TCERG1L: variants seen among roughly 807,000 people sequenced by gnomAD.
TCERG1L encodes the protein transcription elongation regulator 1-like protein.
A neutral mutation model predicts 56.3 loss-of-function variants in TCERG1L; 37 were observed. The observed-to-expected ratio is 0.66, with a 90% CI of 0.51 to 0.87. The LOEUF (loss-of-function observed/expected upper bound fraction) is 0.87. TCERG1L is among the 40% of genes least tolerant of loss of function. The pLI, the probability that TCERG1L is intolerant of heterozygous loss-of-function variation, is 0.00. For synonymous variants in TCERG1L, 324 were observed against 326.3 expected (o/e 0.99, Z 0.08); for missense variants, 799 against 774.2 (o/e 1.03, Z -0.38).
At chr10:131,146,285 G>T (rs375216075) in intron 7 of TCERG1L, among the ~76,000 whole-genome samples, 1 of 152,130 alleles carries the variant, frequency 6.6e-6, no homozygotes, top group South Asian at 2.1e-4. Context: ...ATCACCTTAC[G>T]TGATGCAAAA....
At chr10:131,151,330 G>A (rs117479250) in intron 6 of TCERG1L, among the ~76,000 whole-genome samples, 4,360 of 152,224 alleles carry the variant, frequency 0.029, 79 homozygotes, top group Non-Finnish European at 0.041. Context: ...ACAAATGGGC[G>A]TACAGGCATT....
Position 131,112,120 on chromosome 10 carries a change from C to G in TCERG1L, c.1395+4679G>C, listed in dbSNP as rs187554501. Among the ~76,000 whole-genome samples, 5 of 142,998 alleles carry G rather than the reference C, an allele frequency of 3.5e-5. 1 individual carries two copies. Among genetic ancestry groups the G allele is most frequent in the Non-Finnish European group, 6.3e-5 (4 of 63,436 alleles). The allele number at this position is 142,998 out of a possible 152,430, so 93.8% of individuals were successfully genotyped here. ...ACCCCTGAGAGTGGGGGAATGGGCC[C>G]GGCCACACGGCACTCCCAGTGGCCA... On this transcript the variant is annotated intron_variant, in intron 9 of 11. Coordinates refer to ENST00000368642, the MANE Select transcript of TCERG1L (RefSeq NM_174937.4).
At chr10:131,211,820 G>A (rs894955022) in intron 4 of TCERG1L, among the ~76,000 whole-genome samples, 5 of 152,136 alleles carry the variant, frequency 3.3e-5, no homozygotes, top group Non-Finnish European at 5.9e-5. Context: ...TGCAGACGGC[G>A]GCTGGGAGCA....
At chr10:131,220,433 C>T (rs1845717024) in intron 4 of TCERG1L, among the ~76,000 whole-genome samples, 1 of 152,230 alleles carries the variant, frequency 6.6e-6, no homozygotes, top group Non-Finnish European at 1.5e-5. Context: ...TTTGCTCCTC[C>T]TGGTGCCCTG....
At chr10:131,278,652 T>C (rs56009256) in intron 3 of TCERG1L, among the ~76,000 whole-genome samples, 32,303 of 152,068 alleles carry the variant, frequency 0.21, 3,660 homozygotes, top group South Asian at 0.31. Flanking sequence ...CCACATCGTC[T>C]TTTCAAGACA....
At chr10:131,139,450 G>A (rs1845709013) in intron 7 of TCERG1L, among the ~76,000 whole-genome samples, 1 of 152,186 alleles carries the variant, frequency 6.6e-6, no homozygotes, top group Admixed American at 6.5e-5. Context: ...CAGGGGATTG[G>A]AGGGAGAGGG....
chr10:131,266,377 A>T (rs1354327488), intron 3 of TCERG1L, among the ~76,000 whole-genome samples: 1 of 152,204 alleles, frequency 6.6e-6, no homozygotes, highest in Non-Finnish European at 1.5e-5. Flanking sequence ...ATGAATGTTC[A>T]CGGCTGCAGA....
At chr10:131,307,428 C>T (rs1218531727) in intron 3 of TCERG1L, among the ~76,000 whole-genome samples, 2 of 152,112 alleles carry the variant, frequency 1.3e-5, no homozygotes, top group African/African-American at 4.8e-5. Context: ...TTTAGAGACA[C>T]ATATTGAGAC....
At chr10:131,193,944 A>T (rs2133465850) in intron 4 of TCERG1L, among the ~76,000 whole-genome samples, 1 of 152,344 alleles carries the variant, frequency 6.6e-6, no homozygotes, top group East Asian at 1.9e-4. Context: ...CAGGGGGATT[A>T]TGAAGATAAA....
At chr10:131,191,864 CAAAAAAA>C (rs59816491) in intron 4 of TCERG1L, among the ~76,000 whole-genome samples, 4 of 28,726 alleles carry the variant, frequency 1.4e-4, no homozygotes, top group East Asian at 9.7e-4. Flanking sequence ...GACTCCGTCT[CAAAAAAA>C]AAAAAAAAAA....
intron 4 of TCERG1L, among the ~76,000 whole-genome samples, chr10:131,210,133 C>T (rs12261633): frequency 0.017 from 2,519 of 152,318 alleles, 67 homozygotes; most frequent in African/African-American, 0.057. Flanking sequence ...TGCAGATTTT[C>T]CAGCATTTTG....
chr10:131,104,442 GAAC>G (rs1236342262), intron 9 of TCERG1L, 88 bp from the exon 10 acceptor site: 2 of 864,004 alleles, frequency 2.3e-6, no homozygotes, highest in East Asian at 5.4e-5. Flanking sequence ...AAAAACAAAT[GAAC>G]AACAAAAACC....
chr10:131,132,478 G>A lies in TCERG1L; in HGVS notation c.1259+1901C>T, dbSNP rs146545005. The stretch of plus-strand genomic sequence containing the variant: ...GGAACTGAGGCCAGTCCCACGGGAT[G>A]GGAGTGCAGCCGGGTGATGAGGCGG... On this transcript the variant is annotated intron_variant, in intron 8 of 11. Transcript: ENST00000368642. 8.1e-3 allele frequency among the ~76,000 whole-genome samples: 1,238 copies of A among 152,386 alleles called. 17 individuals carry two copies. The highest frequency in any genetic ancestry group is 0.028 in the African/African-American group (1,175 of 41,598).
rs1179257920 is a variant in TCERG1L, at chr10:131,260,163, C to T, written c.856+96G>A. 8.1e-6 allele frequency: 10 copies of T among 1,242,202 alleles called. No homozygotes were observed. The highest frequency in any genetic ancestry group is 2.0e-6 in the Non-Finnish European group (2 of 992,986). 76.9% of individuals were successfully genotyped at this position (1,242,202 alleles called of 1,614,324 possible). A position where few individuals can be genotyped will look rare whatever the true frequency, so the allele number is the denominator to read the frequency against. ...TCAACCGGAGCCGGGCTTCAGGTCC[C>T]ACAGCGCCTGGGCCCAGGCCAGGGG... On this transcript the variant is annotated intron_variant, in intron 4 of 11. Coordinates refer to ENST00000368642, the MANE Select transcript of TCERG1L (RefSeq NM_174937.4). This position sits in a 1 kb window ranked among gnomAD's most constrained non-coding sequence, Gnocchi z 5.8.
chr10:131,168,563 G>A lies in TCERG1L; in HGVS notation c.857-1678C>T, dbSNP rs75680389. ...GACGTGAGCCGGAGGCCCCATCCCC[G>A]GAGGTGCTGAGTTCGGATGAGGCAG... On this transcript the variant is annotated intron_variant, in intron 4 of 11. Coordinates refer to ENST00000368642, the MANE Select transcript of TCERG1L (RefSeq NM_174937.4). Among the ~76,000 whole-genome samples, 8 of 152,302 alleles carry A rather than the reference G, an allele frequency of 5.3e-5. No homozygotes were observed. In the East Asian group the frequency reaches 5.8e-4, roughly 11 times the overall value.
intron 3 of TCERG1L, among the ~76,000 whole-genome samples, chr10:131,302,528 T>C (rs1846774908): frequency 1.3e-5 from 2 of 151,936 alleles, no homozygotes; most frequent in African/African-American, 4.8e-5. Flanking sequence ...CTGCGAGCCA[T>C]CTTTGGTAGG....
At chr10:131,257,041 G>GAAAGAAAGAAAGA (rs1564827244) in intron 4 of TCERG1L, among the ~76,000 whole-genome samples, 2 of 137,930 alleles carry the variant, frequency 1.5e-5, no homozygotes, top group Admixed American at 7.3e-5. Flanking sequence ...AAGAAAGAAA[G>GAAAGAAAGAAAGA]AAAGAAAGAA....
intron 11 of TCERG1L, chr10:131,095,202 TCAACCCCACCGGGCGG>T (rs1845229525): frequency 7.0e-6 from 1 of 142,774 alleles, no homozygotes; most frequent in South Asian, 2.0e-4. Flanking sequence ...CCACCGGGTG[TCAACCCCACCGGGCGG>T]CCAACCCCAC....
chr10:131,178,207 C>T (rs559269574), intron 4 of TCERG1L, among the ~76,000 whole-genome samples: 1 of 152,208 alleles, frequency 6.6e-6, no homozygotes, highest in African/African-American at 2.4e-5. Flanking sequence ...CCAGCTTTGC[C>T]TTTACTAGAA....
Sources: gnomAD v4.1 joint callset for allele counts (sites outside exome capture counted in the v4.1 genomes callset) on GRCh38, gnomAD v4.1.1 for gene constraint, Gnocchi (gnomAD v3.1) non-coding constraint, MANE v1.5 for transcripts, NCBI Gene and HGNC (gene_info 2026-07-23, HGNC 2026-07-21) for gene names.